The following SYTL2 variants were observed in gnomAD, a reference collection of about 807,000 sequenced individuals.
SYTL2 encodes synaptotagmin like 2.
A neutral mutation model predicts 198.7 loss-of-function variants in SYTL2; 165 were observed. That is an observed-to-expected ratio of 0.83 (90% CI 0.73 to 0.94). The LOEUF is 0.94. Among genes scored for constraint, SYTL2 ranks in the 40% least tolerant of loss-of-function variants. The pLI is 0.00. For synonymous variants in SYTL2, 966 were observed against 917.7 expected, an observed-to-expected ratio of 1.05 and a Z score of -0.95; for missense variants, 2,835 against 2,582.8, an observed-to-expected ratio of 1.10 and a Z score of -2.12.
At position 85,724,438 on chromosome 11, in the gene SYTL2, T is replaced by TC; in HGVS notation, c.4919dup (p.Gly1641ArgfsTer7). 6.2e-7 allele frequency: 1 copy of TC among 1,611,352 alleles called. No individual in the cohort carries two copies. The highest frequency in any genetic ancestry group is 1.7e-4 in the Middle Eastern group (1 of 6,032). ...ATAAATCAGTCACAAGTGCGTCTCC[T>TC]CCCAACATTTTATCACATTGGTTGA... On this transcript the variant is annotated frameshift_variant, in exon 8 of 20. Coordinates refer to ENST00000359152, the MANE Select transcript of SYTL2 (RefSeq NM_206927.4). LOFTEE classifies it high-confidence loss of function.
At chr11:85,746,110 G>A (rs1457958862) in intron 3 of SYTL2, among the ~76,000 whole-genome samples, 1 of 152,184 alleles carries the variant, frequency 6.6e-6, no homozygotes, top group African/African-American at 2.4e-5. Context: ...GCCAGGGGAT[G>A]CTCAGGGCAG....
the SYTL2 span, among the ~76,000 whole-genome samples, chr11:85,844,159 A>G: frequency 1.1e-4 from 17 of 152,196 alleles, no homozygotes; most frequent in African/African-American, 3.6e-4. Context: ...TCTATCGTGT[A>G]AGCCCTAGCT....
the SYTL2 span, among the ~76,000 whole-genome samples, chr11:85,838,828 T>C: frequency 2.0e-5 from 3 of 152,218 alleles, no homozygotes; most frequent in Admixed American, 6.5e-5. Flanking sequence ...ATAATAGTCA[T>C]ATGAGTTTTC....
In SYTL2 at chr11:85,724,576, C is replaced by T. The variant is rs777096850; in HGVS notation, c.4782G>A (p.Lys1594=). 6.2e-7 allele frequency: 1 copy of T among 1,613,248 alleles called. No homozygotes were observed. The highest frequency in any genetic ancestry group is 2.2e-5 in the East Asian group (1 of 44,886). The change falls in exon 8 of 20, where the codon AAG becomes AAA. Residue 1594 remains lysine, a synonymous_variant. Transcript: ENST00000359152. ...TGGTCTGCTCTGACTGTGAGGACTC[C>T]TTCTCGTGAGTTTCTTCTCTCACTG... ...QVSVREETHE[K]ESSQSEQTRF...
At chr11:85,783,113 C>T (rs2092587085) in intron 1 of SYTL2, among the ~76,000 whole-genome samples, 1 of 152,052 alleles carries the variant, frequency 6.6e-6, no homozygotes, top group Admixed American at 6.5e-5. Flanking sequence ...AAGACATACC[C>T]GAGACTGGGT....
At chr11:85,731,914 C>T (rs907651179) in intron 7 of SYTL2, among the ~76,000 whole-genome samples, 1 of 151,994 alleles carries the variant, frequency 6.6e-6, no homozygotes, top group East Asian at 1.9e-4. Flanking sequence ...AAAAAACAAC[C>T]CCATTAAAAA....
rs752770152 is a variant in SYTL2 at position 85,724,431 on chromosome 11, C to A, written c.4927G>T (p.Ala1643Ser). The stretch of plus-strand genomic sequence containing the variant: ...TCTACCAATAAATCAGTCACAAGTG[C>A]GTCTCCTCCCAACATTTTATCACAT... The part of the protein sequence containing the change: ...NQCDKMLGGD[A>S]LVTDLLVDFC... The change falls in exon 8 of 20, where the codon GCA becomes TCA. Residue 1643 changes from alanine to serine, a missense_variant. This residue lies in a region of SYTL2 where 2,645 missense variants were observed against 2,381.7 expected (regional missense o/e 1.11). Coordinates refer to ENST00000359152, the MANE Select transcript of SYTL2 (RefSeq NM_206927.4). The A allele has an allele frequency of 1.2e-6, 2 of 1,608,814 alleles. No homozygotes were observed. Among genetic ancestry groups the A allele is most frequent in the African/African-American group, 2.7e-5 (2 of 74,682 alleles).
At chr11:85,756,699 GT>G in intron 2 of SYTL2, among the ~76,000 whole-genome samples, 1 of 152,270 alleles carries the variant, frequency 6.6e-6, no homozygotes, top group Non-Finnish European at 1.5e-5. Flanking sequence ...AGTTATTTTA[GT>G]AGTCATAATC....
chr11:85,718,579 C>T (rs2087744568), intron 10 of SYTL2: 1 of 579,172 alleles, frequency 1.7e-6, no homozygotes, highest in African/African-American at 1.9e-5. Flanking sequence ...CTGATGAGAT[C>T]CTCATGACAG....
the SYTL2 span, among the ~76,000 whole-genome samples, chr11:85,846,590 GC>G: frequency 6.6e-6 from 1 of 151,956 alleles, no homozygotes; most frequent in Non-Finnish European, 1.5e-5. Flanking sequence ...ACCACACCCA[GC>G]TAATTTTGAA....
chr11:85,844,073 C>T, the SYTL2 span, among the ~76,000 whole-genome samples: 1 of 152,222 alleles, frequency 6.6e-6, no homozygotes, highest in Non-Finnish European at 1.5e-5. Context: ...GAATATTCTT[C>T]TCTGCAATAC....
intron 7 of SYTL2, among the ~76,000 whole-genome samples, chr11:85,733,043 A>G (rs960568446): frequency 1.3e-5 from 2 of 152,170 alleles, no homozygotes; most frequent in Admixed American, 6.5e-5. Context: ...TTGCCTCTCA[A>G]CTCACACAAG....
At chr11:85,755,954 GCTTT>G (rs780831942) in intron 2 of SYTL2, among the ~76,000 whole-genome samples, 8 of 152,098 alleles carry the variant, frequency 5.3e-5, no homozygotes, top group Non-Finnish European at 7.4e-5. Context: ...CAGCTCTACT[GCTTT>G]CTAAGTCCTT....
chr11:85,734,833 A>T, intron 6 of SYTL2, 91 bp from the exon 7 acceptor site: 1 of 947,272 alleles, frequency 1.1e-6, no homozygotes, highest in East Asian at 2.6e-5. Flanking sequence ...CACTTAGTGA[A>T]ACTATTAAAA....
At position 85,700,397 on chromosome 11, in the gene SYTL2, A is replaced by G. The variant is rs1284398270; in HGVS notation, c.6268+118T>C. 5.4e-5 allele frequency: 40 copies of G among 736,840 alleles called. No homozygotes were observed. In the East Asian group the frequency reaches 9.9e-4, roughly 18 times the overall value. 45.6% of individuals were successfully genotyped at this position (736,840 alleles called of 1,614,324 possible). ...AACTGTGAATAGACTCATTTGGTCT[A>G]TACGTTACTAACTTGATAAGTTTCT... On this transcript the variant is annotated intron_variant, in intron 17 of 19. Coordinates refer to ENST00000359152, the MANE Select transcript of SYTL2 (RefSeq NM_206927.4).
intron 1 of SYTL2, among the ~76,000 whole-genome samples, chr11:85,789,368 A>G (rs999867954): frequency 1.1e-3 from 55 of 52,322 alleles, no homozygotes; most frequent in African/African-American, 1.7e-3. Context: ...ATATATATAT[A>G]TATATATATG....
chr11:85,849,430 C>T, the SYTL2 span, among the ~76,000 whole-genome samples: 5 of 152,062 alleles, frequency 3.3e-5, no homozygotes, highest in Non-Finnish European at 5.9e-5. Flanking sequence ...TTAGGTCTAA[C>T]GTTTAAGTCT....
chr11:85,816,194 A>T, the SYTL2 span, among the ~76,000 whole-genome samples: 4 of 152,130 alleles, frequency 2.6e-5, no homozygotes, highest in Non-Finnish European at 5.9e-5. Context: ...AAAGAAAAAG[A>T]AAAAGTAAAG....
chr11:85,789,344 A>ATATATATATATATATATATGTG (rs2092689237), intron 1 of SYTL2, among the ~76,000 whole-genome samples: 1 of 18,664 alleles, frequency 5.4e-5, no homozygotes, highest in Non-Finnish European at 1.3e-4. Flanking sequence ...GTGTGTGTAT[A>ATATATATATATATATATATGTG]TATATATATA....
Sources: gnomAD v4.1 joint callset for allele counts (sites outside exome capture counted in the v4.1 genomes callset) on GRCh38, gnomAD v4.1.1 for gene constraint, gnomAD v4.1.1 regional missense constraint, MANE v1.5 for transcripts, NCBI Gene and HGNC (gene_info 2026-07-23, HGNC 2026-07-21) for gene names.